The following DNAI2 variants were observed in gnomAD, a reference collection of about 807,000 sequenced individuals.
DNAI2 encodes the protein dynein, axonemal, intermediate polypeptide 2.
A neutral mutation model predicts 74.7 loss-of-function variants in DNAI2; 63 were observed. The observed-to-expected ratio is 0.84, with a 90% CI of 0.69 to 1.04. DNAI2 has a LOEUF of 1.04. Among genes scored for constraint, DNAI2 ranks in the 50% least tolerant of loss-of-function variants. The pLI is 0.00. For missense variants in DNAI2, 688 were observed against 803.2 expected, an observed-to-expected ratio of 0.86 and a Z score of 1.73; for synonymous variants, 289 against 314.9, an observed-to-expected ratio of 0.92 and a Z score of 0.87.
At chr17:74,309,719 T>A in intron 10 of DNAI2, 2 of 631,964 alleles carry the variant, frequency 3.2e-6, no homozygotes, top group Admixed American at 2.4e-5. Flanking sequence ...GACCTTCCCC[T>A]TCATGTCAGG....
In DNAI2 at chr17:74,309,415, TCCAGGTCCTCAGGGAG is replaced by T. The variant is rs749632284; in HGVS notation, c.1347+36_1347+51del. The T allele has an allele frequency of 2.5e-5, 40 of 1,613,966 alleles. No individual in the cohort carries two copies. In the East Asian group the frequency reaches 8.7e-4, roughly 35 times the overall value. ...TCACGCGCATGTCCCTCCTTGTGCA[TCCAGGTCCTCAGGGAG>T]CCAGGTCCCGGCGTGGGTGTGAGTG... On this transcript the variant is annotated intron_variant, in intron 10 of 13. Coordinates refer to ENST00000311014, the MANE Select transcript of DNAI2 (RefSeq NM_023036.6).
rs1567852279 is a variant in DNAI2, at chr17:74,291,069, G to C, written c.660G>C (p.Val220=). ...ELALKPSSPL[V]TLEFNPKDSH... is the part of the protein sequence containing the mutation. ...CTCTGAAGCCATCGTCTCCACTCGT[G>C]ACGTTGGAGTTCAACCCCAAAGATT... The change falls in exon 6 of 14, where the codon GTG becomes GTC. Residue 220 remains valine, a synonymous_variant. Transcript: ENST00000311014. The C allele has an allele frequency of 6.2e-7, 1 of 1,614,216 alleles. No homozygotes were observed. Among genetic ancestry groups the C allele is most frequent in the Non-Finnish European group, 8.5e-7 (1 of 1,180,050 alleles).
intron 11 of DNAI2, among the ~76,000 whole-genome samples, chr17:74,311,365 G>T (rs1362404657): frequency 4.6e-5 from 7 of 152,186 alleles, no homozygotes; most frequent in Admixed American, 4.6e-4. Context: ...TGTAATCCCA[G>T]CACTTTGGGA....
chr17:74,289,769 G>A, intron 5 of DNAI2, 33 bp downstream of exon 5: 1 of 1,613,172 alleles, frequency 6.2e-7, no homozygotes, highest in Admixed American at 1.7e-5. Context: ...TGGCCTGGGA[G>A]GGCTGAGGGC....
chr17:74,282,276 C>T lies in DNAI2; in HGVS notation c.183+276C>T, dbSNP rs1013099542. Among the ~76,000 whole-genome samples the T allele has an allele frequency of 4.0e-5, 6 of 151,502 alleles. No homozygotes were observed. In the East Asian group the frequency reaches 5.8e-4, roughly 15 times the overall value. ...TCTTGTTTCACCTCGAAGACACTTA[C>T]CAGAGTTGTTTTGGATGTTTGGTGT... is the stretch of plus-strand genomic sequence containing the variant. On this transcript the variant is annotated intron_variant, in intron 2 of 13. Coordinates refer to ENST00000311014, the MANE Select transcript of DNAI2 (RefSeq NM_023036.6).
In DNAI2 at chr17:74,285,211, C is replaced by T. The variant is rs1376303738; in HGVS notation, c.345+10C>T. The T allele has an allele frequency of 1.2e-6, 2 of 1,613,576 alleles. No individual in the cohort carries two copies. The highest frequency in any genetic ancestry group is 1.3e-5 in the African/African-American group (1 of 74,920). On this transcript the variant is annotated intron_variant, in intron 3 of 13. Transcript: ENST00000311014. ...CATGCAGCTCGGCTCTGTAAGGCTT[C>T]CTCCTGCCCCAGCTGCAAGAGCCCC...
chr17:74,281,813 G>A lies in DNAI2; in HGVS notation c.-5G>A. 5 of 1,613,632 alleles carry A rather than the reference G, an allele frequency of 3.1e-6. No homozygotes were observed. Among genetic ancestry groups the A allele is most frequent in the Non-Finnish European group, 4.2e-6 (5 of 1,180,006 alleles). On this transcript the variant is annotated 5_prime_UTR_variant, in exon 2 of 14. Transcript: ENST00000311014. Reference sequence around the variant, plus strand: ...CCCTCCCTCTGCCCCCCAGCAGCCGGCACCATGGAGATTGTGTACGTGTAC... The same window carrying A: ...CCCTCCCTCTGCCCCCCAGCAGCCGACACCATGGAGATTGTGTACGTGTAC...
intron 10 of DNAI2, 49 bp downstream of exon 10, chr17:74,309,437 T>C: frequency 6.2e-7 from 1 of 1,613,322 alleles, no homozygotes; most frequent in Non-Finnish European, 8.5e-7. Context: ...GGGAGCCAGG[T>C]CCCGGCGTGG....
chr17:74,307,378 G>T (rs1295276405), intron 9 of DNAI2: 2 of 451,160 alleles, frequency 4.4e-6, no homozygotes, highest in Non-Finnish European at 8.9e-6. Flanking sequence ...AAGAATATTT[G>T]ACCCTGGGCC....
chr17:74,301,906 GGAAA>G (rs1567865047), intron 8 of DNAI2, among the ~76,000 whole-genome samples: 115 of 22,860 alleles, frequency 5.0e-3, no homozygotes, highest in South Asian at 9.8e-3. Flanking sequence ...AAGGAAGGAA[GGAAA>G]GAAGGAAGGA....
At chr17:74,313,142 G>A (rs2053632085) in intron 12 of DNAI2, among the ~76,000 whole-genome samples, 2 of 152,222 alleles carry the variant, frequency 1.3e-5, no homozygotes, top group South Asian at 4.1e-4. Context: ...TCTGCACAGA[G>A]CACCCACCCA....
chr17:74,296,939 C>T (rs2052479972), intron 6 of DNAI2, among the ~76,000 whole-genome samples: 1 of 152,180 alleles, frequency 6.6e-6, no homozygotes, highest in Non-Finnish European at 1.5e-5. Context: ...CTCCCGACTG[C>T]CCTAAGCCTC....
At chr17:74,302,291 G>T (rs147409770) in intron 8 of DNAI2, among the ~76,000 whole-genome samples, 3,359 of 152,228 alleles carry the variant, frequency 0.022, 112 homozygotes, top group African/African-American at 0.074. Flanking sequence ...AAAAGGGCCA[G>T]GCACGGTGGC....
At chr17:74,282,581 A>T (rs1194874632) in intron 2 of DNAI2, among the ~76,000 whole-genome samples, 1 of 152,220 alleles carries the variant, frequency 6.6e-6, no homozygotes, top group African/African-American at 2.4e-5. Flanking sequence ...GAATACAGGC[A>T]TGAGCCACTG....
chr17:74,285,544 T>C (rs918947703), intron 3 of DNAI2, among the ~76,000 whole-genome samples: 4 of 151,636 alleles, frequency 2.6e-5, no homozygotes, highest in Non-Finnish European at 4.4e-5. Flanking sequence ...CCAGGCACAG[T>C]AGAGGTTGCA....
At chr17:74,296,357 G>GAGGAGAGAGAGAGAGA (rs2052439729) in intron 6 of DNAI2, among the ~76,000 whole-genome samples, 1 of 108,900 alleles carries the variant, frequency 9.2e-6, no homozygotes, top group Non-Finnish European at 2.2e-5. Flanking sequence ...GAGAGAGAGA[G>GAGGAGAGAGAGAGAGA]GAAGGGGGAA....
At chr17:74,296,185 G>A (rs1220663790) in intron 6 of DNAI2, among the ~76,000 whole-genome samples, 2 of 152,108 alleles carry the variant, frequency 1.3e-5, no homozygotes, top group Admixed American at 6.6e-5. Flanking sequence ...TTGTTTAAAT[G>A]TAATAGAAGT....
intron 1 of DNAI2, 80 bp from the exon 2 acceptor site, chr17:74,281,727 G>A (rs759691143): frequency 2.8e-6 from 4 of 1,423,388 alleles, no homozygotes; most frequent in Non-Finnish European, 3.9e-6. Flanking sequence ...TGAGAACCTG[G>A]AGCTGTCCTG....
At chr17:74,302,330 G>T (rs1465111834) in intron 8 of DNAI2, among the ~76,000 whole-genome samples, 1 of 152,210 alleles carries the variant, frequency 6.6e-6, no homozygotes, top group African/African-American at 2.4e-5. Flanking sequence ...CACTTTGGGA[G>T]GCCAAGGCGG....
Sources: gnomAD v4.1 joint callset for allele counts (sites outside exome capture counted in the v4.1 genomes callset) on GRCh38, gnomAD v4.1.1 for gene constraint, MANE v1.5 for transcripts, NCBI Gene and HGNC (gene_info 2026-07-23, HGNC 2026-07-21) for gene names.